The following MATN2 variants were observed in gnomAD, a reference collection of about 807,000 sequenced individuals.
MATN2 encodes matrilin 2.
A neutral mutation model predicts 103.2 loss-of-function variants in MATN2; 69 were observed. The ratio of observed to expected loss-of-function variants is 0.67; its 90% CI spans 0.55 to 0.82. The LOEUF is 0.82. MATN2 is among the 40% of genes least tolerant of loss of function. The pLI is 0.00. For missense variants in MATN2, 1,023 were observed against 1,211.5 expected (o/e 0.84, Z 2.31); for synonymous variants, 429 against 450.2 (o/e 0.95, Z 0.60).
chr8:98,030,727 A>G (rs1813985040), intron 15 of MATN2, 113 bp downstream of exon 15: 3 of 986,670 alleles, frequency 3.0e-6, no homozygotes, highest in Non-Finnish European at 4.5e-6. Flanking sequence ...CAGTGGCACA[A>G]TCTCAGCTCA....
At chr8:97,884,773 TAAC>T (rs200495037) in intron 1 of MATN2, among the ~76,000 whole-genome samples, 46 of 151,814 alleles carry the variant, frequency 3.0e-4, no homozygotes, top group East Asian at 1.6e-3. Context: ...TGTCTCCAAA[TAAC>T]AACAACAACA....
At chr8:98,003,121 C>T (rs1812840339) in intron 7 of MATN2, among the ~76,000 whole-genome samples, 1 of 151,930 alleles carries the variant, frequency 6.6e-6, no homozygotes, top group African/African-American at 2.4e-5. Flanking sequence ...TTCACTGTCC[C>T]CTCATCCCCG....
At chr8:97,932,977 G>A (rs1810247116) in intron 3 of MATN2, among the ~76,000 whole-genome samples, 1 of 152,320 alleles carries the variant, frequency 6.6e-6, no homozygotes, top group Admixed American at 6.5e-5. Flanking sequence ...CCAGGAGGGG[G>A]TTCTCAGAAT....
chr8:97,913,654 G>A (rs371331285), intron 2 of MATN2, among the ~76,000 whole-genome samples: 7 of 140,038 alleles, frequency 5.0e-5, no homozygotes, highest in East Asian at 4.2e-4. Context: ...TCACTGTGTC[G>A]CCCAGGCTGG....
chr8:97,936,747 G>A (rs1810379885), intron 3 of MATN2, among the ~76,000 whole-genome samples: 1 of 152,172 alleles, frequency 6.6e-6, no homozygotes, highest in South Asian at 2.1e-4. Flanking sequence ...CAGCAGGCCG[G>A]TGGAGGAGGC....
At chr8:98,030,737 A>G in intron 15 of MATN2, 123 bp downstream of exon 15, 4 of 884,382 alleles carry the variant, frequency 4.5e-6, no homozygotes, top group Non-Finnish European at 6.8e-6. Flanking sequence ...ATCTCAGCTC[A>G]CTACAACCTC....
At chr8:97,929,759 C>T (rs1311499714) in intron 2 of MATN2, among the ~76,000 whole-genome samples, 1 of 152,170 alleles carries the variant, frequency 6.6e-6, no homozygotes, top group Non-Finnish European at 1.5e-5. Flanking sequence ...AGATCTGAGT[C>T]CCCCTCTCAA....
At chr8:97,942,340 A>G (rs183545187) in intron 4 of MATN2, among the ~76,000 whole-genome samples, 19 of 152,344 alleles carry the variant, frequency 1.2e-4, no homozygotes, top group Admixed American at 5.2e-4. Flanking sequence ...GTTCTGTTTT[A>G]GAGGGGTGCA....
intron 6 of MATN2, among the ~76,000 whole-genome samples, chr8:97,989,211 T>TGTAA (rs1305746867): frequency 1.3e-5 from 2 of 152,208 alleles, no homozygotes; most frequent in Non-Finnish European, 2.9e-5. Flanking sequence ...GGCTCACGCC[T>TGTAA]GTAATCCCAG....
At chr8:97,966,108 T>C (rs1007113689) in intron 5 of MATN2, among the ~76,000 whole-genome samples, 1 of 149,842 alleles carries the variant, frequency 6.7e-6, no homozygotes, top group African/African-American at 2.5e-5. Flanking sequence ...CAGAAAGTCA[T>C]GTTCACACCA....
chr8:97,897,692 A>T (rs928495051), intron 2 of MATN2, among the ~76,000 whole-genome samples: 2 of 152,206 alleles, frequency 1.3e-5, no homozygotes, highest in South Asian at 2.1e-4. Flanking sequence ...GGGCAGTACA[A>T]TGACAGCTGG....
intron 2 of MATN2, among the ~76,000 whole-genome samples, chr8:97,930,003 C>A (rs896167908): frequency 2.0e-5 from 3 of 152,220 alleles, no homozygotes; most frequent in Non-Finnish European, 2.9e-5. Context: ...CTAGTATACC[C>A]TCTACTACAA....
At chr8:97,936,548 A>ACACTGACC (rs1400806972) in intron 3 of MATN2, among the ~76,000 whole-genome samples, 3 of 152,150 alleles carry the variant, frequency 2.0e-5, no homozygotes, top group Non-Finnish European at 4.4e-5. Flanking sequence ...CCACCTCCCT[A>ACACTGACC]CACTGACCAC....
chr8:98,021,692 A>AC (rs1280356396), intron 13 of MATN2, among the ~76,000 whole-genome samples: 3 of 151,814 alleles, frequency 2.0e-5, no homozygotes, highest in African/African-American at 7.3e-5. Flanking sequence ...AAAAAAAAAA[A>AC]ACACAAAAGA....
At chr8:98,020,946 G>C (rs1323142711) in intron 12 of MATN2, 1 of 309,526 alleles carries the variant, frequency 3.2e-6, no homozygotes, top group African/African-American at 2.1e-5. Flanking sequence ...AGAAGCTAAA[G>C]CACATCTAAT....
At chr8:97,901,097 C>T (rs911203343) in intron 2 of MATN2, among the ~76,000 whole-genome samples, 6 of 152,168 alleles carry the variant, frequency 3.9e-5, no homozygotes, top group African/African-American at 1.4e-4. Flanking sequence ...CAGATGTGGC[C>T]TGTCCCATGT....
At chr8:97,991,047 A>C (rs1448249218) in intron 6 of MATN2, among the ~76,000 whole-genome samples, 1 of 152,144 alleles carries the variant, frequency 6.6e-6, no homozygotes, top group Non-Finnish European at 1.5e-5. Flanking sequence ...AGTAGAAGAG[A>C]CTGTATTATT....
rs373304405 is a variant in MATN2 at position 97,902,493 on chromosome 8, G to A, written c.142+14251G>A. Among the ~76,000 whole-genome samples the A allele has an allele frequency of 6.0e-5, 8 of 132,350 alleles. No individual in the cohort carries two copies. In the Admixed American group the frequency reaches 6.3e-4, roughly 10 times the overall value. 86.8% of individuals were successfully genotyped at this position (132,350 alleles called of 152,430 possible). ...GCCCAGGCAACAAGAACGAAACTCC[G>A]TCTCAAAAAAAAAAAAAGAATAAAA... On this transcript the variant is annotated intron_variant, in intron 2 of 18. Transcript: ENST00000254898.
At chr8:97,926,020 C>T (rs550968116) in intron 2 of MATN2, among the ~76,000 whole-genome samples, 2 of 152,314 alleles carry the variant, frequency 1.3e-5, no homozygotes, top group African/African-American at 2.4e-5. Flanking sequence ...CATTGTCATT[C>T]TGCTGGAGTA....
Sources: gnomAD v4.1 joint callset for allele counts (sites outside exome capture counted in the v4.1 genomes callset) on GRCh38, gnomAD v4.1.1 for gene constraint, MANE v1.5 for transcripts, NCBI Gene and HGNC (gene_info 2026-07-23, HGNC 2026-07-21) for gene names.